Variants in MYO9A observed in about 807,000 individuals in gnomAD.
MYO9A encodes the protein myosin IXA, also known as unconventional myosin-IXa.
In MYO9A, 103 loss-of-function variants were observed where a neutral mutation model predicts 293.3. That is an observed-to-expected ratio of 0.35 (90% CI 0.30 to 0.41). The LOEUF (loss-of-function observed/expected upper bound fraction) is 0.41. Among genes scored for constraint, MYO9A ranks in the 10% least tolerant of loss-of-function variants. MYO9A has a pLI of 1.00. For synonymous variants in MYO9A, 1,001 were observed against 1,035.7 expected, an observed-to-expected ratio of 0.97 and a Z score of 0.64; for missense variants, 2,685 against 3,033.0, an observed-to-expected ratio of 0.89 and a Z score of 2.69.
chr15:72,088,247 G>A (rs563976530), intron 1 of MYO9A, among the ~76,000 whole-genome samples: 1 of 152,234 alleles, frequency 6.6e-6, no homozygotes, highest in South Asian at 2.1e-4. Flanking sequence ...AGCAGTCTTT[G>A]GCACACAATT....
At chr15:71,880,068 A>G (rs2056826542) in intron 29 of MYO9A, among the ~76,000 whole-genome samples, 1 of 151,948 alleles carries the variant, frequency 6.6e-6, no homozygotes, top group African/African-American at 2.4e-5. Flanking sequence ...TTACAAGAAA[A>G]CTCCCGTGTG....
chr15:72,080,307 CTTTTTT>C (rs374292426), intron 1 of MYO9A, among the ~76,000 whole-genome samples: 2 of 127,378 alleles, frequency 1.6e-5, no homozygotes, highest in African/African-American at 5.8e-5. Context: ...CCATGCTTCT[CTTTTTT>C]TTTTTTTTTT....
At chr15:71,861,856 G>A (rs1014605810) in intron 33 of MYO9A, among the ~76,000 whole-genome samples, 1 of 152,034 alleles carries the variant, frequency 6.6e-6, no homozygotes, top group Non-Finnish European at 1.5e-5. Flanking sequence ...CTGGAGGGGC[G>A]GGCGCAGTGG....
rs754748505 is a variant in MYO9A at position 71,905,021 on chromosome 15, A to C, written c.2686-15T>G. ...CTTAATGATGCCTGCAACAGAAAGC[A>C]ATATAATTATCATACTCTTCCATTC... is the stretch of plus-strand genomic sequence containing the variant. On this transcript the variant is annotated splice_polypyrimidine_tract_variant and intron_variant, in intron 19 of 41. Coordinates refer to ENST00000356056, the MANE Select transcript of MYO9A (RefSeq NM_006901.4). The C allele has an allele frequency of 8.2e-6, 13 of 1,589,824 alleles. No individual in the cohort carries two copies. Among genetic ancestry groups the C allele is most frequent in the South Asian group, 2.3e-5 (2 of 88,164 alleles).
intron 39 of MYO9A, among the ~76,000 whole-genome samples, chr15:71,840,944 T>C (rs1443859430): frequency 6.6e-6 from 1 of 152,244 alleles, no homozygotes; most frequent in Admixed American, 6.5e-5. Context: ...AGGCTTTCTT[T>C]GTACAAATCT....
intron 39 of MYO9A, among the ~76,000 whole-genome samples, chr15:71,838,386 T>C (rs1327827220): frequency 2.0e-5 from 3 of 152,148 alleles, no homozygotes; most frequent in Admixed American, 6.5e-5. Context: ...CAAAGCCCTG[T>C]CCAAGATTAT....
intron 39 of MYO9A, among the ~76,000 whole-genome samples, chr15:71,841,563 T>A (rs2055160937): frequency 6.6e-6 from 1 of 152,166 alleles, no homozygotes; most frequent in South Asian, 2.1e-4. Flanking sequence ...TAAACCCTCC[T>A]TGGTCAAGAT....
At chr15:71,858,420 T>C (rs796321282) in intron 34 of MYO9A, 2 of 152,016 alleles carry the variant, frequency 1.3e-5, no homozygotes, top group African/African-American at 4.8e-5. Flanking sequence ...TGGAATACTA[T>C]GCAGCCATAA....
intron 6 of MYO9A, among the ~76,000 whole-genome samples, chr15:72,015,537 G>C (rs981292779): frequency 6.6e-6 from 1 of 152,124 alleles, no homozygotes; most frequent in African/African-American, 2.4e-5. Context: ...GCAGCATGGT[G>C]GAACCAACAG....
At chr15:71,863,395 A>C (rs2056216560) in intron 32 of MYO9A, among the ~76,000 whole-genome samples, 2 of 152,112 alleles carry the variant, frequency 1.3e-5, no homozygotes, top group Admixed American at 1.3e-4. Context: ...TTTATTTAAA[A>C]TGAACAATAA....
chr15:71,890,738 C>CA (rs2057151709), intron 26 of MYO9A: 2 of 152,172 alleles, frequency 1.3e-5, no homozygotes, highest in South Asian at 4.1e-4. Context: ...AAACTCAAAT[C>CA]TCCTTCAATT....
intron 1 of MYO9A, among the ~76,000 whole-genome samples, chr15:72,090,724 G>T (rs1262913036): frequency 6.6e-6 from 1 of 152,124 alleles, no homozygotes; most frequent in African/African-American, 2.4e-5. Context: ...GAGGGGTTCA[G>T]ATCCTACCAT....
At position 71,956,330 on chromosome 15, in the gene MYO9A, A is replaced by ATAT. The variant is rs1555490831; in HGVS notation, c.2182+3570_2182+3571insATA. Among the ~76,000 whole-genome samples, 18 of 75,574 alleles carry ATAT rather than the reference A, an allele frequency of 2.4e-4. No homozygotes were observed. In the South Asian group the frequency reaches 2.4e-3, roughly 10 times the overall value. The allele number at this position is 75,574 out of a possible 152,430, so 49.6% of individuals were successfully genotyped here. Reference sequence around the variant, plus strand: ...GCTCTTAAAAAAAAAAAAAAAAAAAAATATATATATATATATATATAAAAT... The same window carrying ATAT: ...GCTCTTAAAAAAAAAAAAAAAAAAAATATATATATATATATATATATATAAAAT... On this transcript the variant is annotated intron_variant, in intron 14 of 41. Transcript: ENST00000356056.
intron 21 of MYO9A, 88 bp downstream of exon 21, chr15:71,903,841 G>A (rs1476945147): frequency 2.6e-6 from 3 of 1,136,898 alleles, no homozygotes; most frequent in Non-Finnish European, 3.8e-6. Flanking sequence ...AGGAAAATAA[G>A]TAAGCCCCAA....
intron 2 of MYO9A, 123 bp downstream of exon 2, chr15:72,045,601 A>G: frequency 1.8e-6 from 2 of 1,117,286 alleles, no homozygotes; most frequent in Non-Finnish European, 2.5e-6. Context: ...ATGGAACAGT[A>G]TCTTGCTTGA....
intron 18 of MYO9A, among the ~76,000 whole-genome samples, chr15:71,918,961 T>C (rs1193953479): frequency 6.6e-6 from 1 of 152,230 alleles, no homozygotes; most frequent in African/African-American, 2.4e-5. Context: ...TCACAAGACT[T>C]GGTTTTACTT....
intron 19 of MYO9A, among the ~76,000 whole-genome samples, chr15:71,911,232 G>A (rs1355268977): frequency 6.6e-6 from 1 of 152,170 alleles, no homozygotes; most frequent in Non-Finnish European, 1.5e-5. Context: ...ATACATATAT[G>A]TTCAGAGAAT....
At chr15:71,920,819 T>C (rs981260436) in intron 18 of MYO9A, among the ~76,000 whole-genome samples, 3 of 152,050 alleles carry the variant, frequency 2.0e-5, no homozygotes, top group Admixed American at 6.5e-5. Context: ...TGGTGACGCA[T>C]GCCCGTCATC....
In MYO9A at chr15:71,951,947, C is replaced by T. The variant is rs767060892; in HGVS notation, c.2183-51G>A. The T allele has an allele frequency of 2.2e-5, 34 of 1,537,606 alleles. No homozygotes were observed. The South Asian group carries it at 4.0e-4, about 18-fold the overall frequency. ...AAAAAAAAAGGAGAAAAGAAAAAGA[C>T]ATTATATAAGCCCAAACCAACAGAG... On this transcript the variant is annotated intron_variant, in intron 14 of 41. Coordinates refer to ENST00000356056, the MANE Select transcript of MYO9A (RefSeq NM_006901.4).
Sources: gnomAD v4.1 joint callset for allele counts (sites outside exome capture counted in the v4.1 genomes callset) on GRCh38, gnomAD v4.1.1 for gene constraint, MANE v1.5 for transcripts, NCBI Gene and HGNC (gene_info 2026-07-23, HGNC 2026-07-21) for gene names.